Variants in CACNA2D3 observed in about 807,000 individuals in gnomAD.
CACNA2D3 encodes the protein voltage-dependent calcium channel subunit alpha-2/delta-3.
CACNA2D3 carries 60 observed loss-of-function variants against 160.6 expected under a neutral mutation model. The ratio of observed to expected loss-of-function variants is 0.37; its 90% confidence interval spans 0.30 to 0.46. The LOEUF is 0.46. Among genes scored for constraint, CACNA2D3 ranks in the 20% least tolerant of loss-of-function variants. CACNA2D3 has a pLI of 1.00. For missense variants in CACNA2D3, 1,205 were observed against 1,365.0 expected (o/e 0.88, Z 1.85); for synonymous variants, 558 against 492.9 (o/e 1.13, Z -1.75).
At chr3:54,637,496 A>G (rs1386901665) in intron 10 of CACNA2D3, among the ~76,000 whole-genome samples, 1 of 151,954 alleles carries the variant, frequency 6.6e-6, no homozygotes, top group African/African-American at 2.4e-5. Flanking sequence ...GATAACTAAA[A>G]AGGAGTGCTT....
intron 2 of CACNA2D3, among the ~76,000 whole-genome samples, chr3:54,284,045 C>T (rs1702949659): frequency 6.6e-6 from 1 of 152,082 alleles, no homozygotes; most frequent in South Asian, 2.1e-4. Flanking sequence ...CTGGGCGACA[C>T]AGTGAGACTC....
chr3:54,975,521 CAAAAAAAA>C (rs55819960), intron 29 of CACNA2D3, among the ~76,000 whole-genome samples: 2 of 77,776 alleles, frequency 2.6e-5, no homozygotes, highest in African/African-American at 4.5e-5. Context: ...ACTTGGTCTC[CAAAAAAAA>C]AAAAAAAAAA....
At chr3:54,909,397 C>G (rs992556553) in intron 27 of CACNA2D3, among the ~76,000 whole-genome samples, 1 of 151,644 alleles carries the variant, frequency 6.6e-6, no homozygotes, top group Non-Finnish European at 1.5e-5. Context: ...TCCTAGTGAC[C>G]TTGTTGGGAT....
intron 4 of CACNA2D3, among the ~76,000 whole-genome samples, chr3:54,394,023 T>G (rs2106681204): frequency 6.6e-6 from 1 of 152,298 alleles, no homozygotes; most frequent in African/African-American, 2.4e-5. Context: ...TCTCACCATC[T>G]GGGGGTCCAG....
intron 27 of CACNA2D3, among the ~76,000 whole-genome samples, chr3:54,933,057 CT>C (rs1162782087): frequency 6.8e-4 from 5 of 7,374 alleles, no homozygotes; most frequent in Non-Finnish European, 1.1e-3. Context: ...CCCTCCCTTC[CT>C]TCCTTCCTTC....
At chr3:54,779,530 C>T (rs1702492528) in intron 13 of CACNA2D3, among the ~76,000 whole-genome samples, 1 of 152,148 alleles carries the variant, frequency 6.6e-6, no homozygotes, top group Admixed American at 6.5e-5. Flanking sequence ...TCTGTATTTC[C>T]CCCAAGTTCT....
chr3:54,574,147 C>T (rs922569600), intron 8 of CACNA2D3, among the ~76,000 whole-genome samples: 4 of 152,060 alleles, frequency 2.6e-5, no homozygotes, highest in African/African-American at 9.7e-5. Flanking sequence ...CCTTTGCTTG[C>T]CGGGTAGATG....
chr3:54,554,850 T>C (rs1702216068), intron 5 of CACNA2D3, among the ~76,000 whole-genome samples: 1 of 149,288 alleles, frequency 6.7e-6, no homozygotes, highest in African/African-American at 2.5e-5. Context: ...ATTTATTTCT[T>C]TTCTTTTCTC....
intron 2 of CACNA2D3, among the ~76,000 whole-genome samples, chr3:54,276,499 C>T (rs1019237586): frequency 2.7e-5 from 4 of 148,860 alleles, no homozygotes; most frequent in South Asian, 2.1e-4. Context: ...CTTGAACTTG[C>T]GAGGTGGAGG....
At chr3:54,856,166 T>A (rs1187731650) in intron 17 of CACNA2D3, among the ~76,000 whole-genome samples, 1 of 152,074 alleles carries the variant, frequency 6.6e-6, no homozygotes, top group African/African-American at 2.4e-5. Flanking sequence ...GAATGACAAA[T>A]AAATGACGAG....
chr3:54,416,444 C>T (rs1373110553), intron 4 of CACNA2D3, among the ~76,000 whole-genome samples: 1 of 152,074 alleles, frequency 6.6e-6, no homozygotes, highest in East Asian at 1.9e-4. Context: ...AGCATGTCCA[C>T]AAATGTTTGT....
At chr3:54,792,356 T>G (rs960670252) in intron 13 of CACNA2D3, among the ~76,000 whole-genome samples, 1 of 152,198 alleles carries the variant, frequency 6.6e-6, no homozygotes, top group African/African-American at 2.4e-5. Context: ...CATGAACCAC[T>G]GGAATAGATA....
At position 54,482,714 on chromosome 3, in the gene CACNA2D3, C is replaced by G. The variant is rs1014261259; in HGVS notation, c.382-20778C>G. ...TTATTTCTTGCTCATGTAAATGCCA[C>G]TGGGTCTCGGAGCTCTCCAGGCAGT... On this transcript the variant is annotated intron_variant, in intron 4 of 37. Coordinates refer to ENST00000474759, the MANE Select transcript of CACNA2D3 (RefSeq NM_018398.3). Among the ~76,000 whole-genome samples, 7 of 152,318 alleles carry G rather than the reference C, an allele frequency of 4.6e-5. No homozygotes were observed. The South Asian group carries it at 6.2e-4, about 14-fold the overall frequency.
chr3:54,245,308 G>GGTGT (rs58946501), intron 2 of CACNA2D3, among the ~76,000 whole-genome samples: 19 of 149,210 alleles, frequency 1.3e-4, no homozygotes, highest in South Asian at 8.6e-4. Context: ...CATGTGTATG[G>GGTGT]GTGTGTGTGT....
chr3:54,297,939 A>G (rs904394565), intron 2 of CACNA2D3, among the ~76,000 whole-genome samples: 15 of 152,202 alleles, frequency 9.9e-5, no homozygotes, highest in Non-Finnish European at 7.3e-5. Context: ...GTTGTTAGAA[A>G]TGCCAAATCC....
intron 13 of CACNA2D3, among the ~76,000 whole-genome samples, chr3:54,782,463 A>G (rs1702554620): frequency 6.6e-6 from 1 of 152,142 alleles, no homozygotes; most frequent in Admixed American, 6.5e-5. Flanking sequence ...GGATAACATT[A>G]TTACTTATTG....
chr3:54,709,948 C>T (rs1359176567), intron 11 of CACNA2D3, among the ~76,000 whole-genome samples: 3 of 152,130 alleles, frequency 2.0e-5, no homozygotes, highest in Non-Finnish European at 4.4e-5. Flanking sequence ...AAATCAGTCG[C>T]CTACCACCTG....
chr3:55,042,543 A>C (rs955340874), intron 35 of CACNA2D3, among the ~76,000 whole-genome samples: 13 of 152,028 alleles, frequency 8.6e-5, no homozygotes, highest in Non-Finnish European at 1.9e-4. Flanking sequence ...CTTTGTATTT[A>C]AGTTCTCCTC....
At chr3:54,550,939 G>C (rs1702146588) in intron 5 of CACNA2D3, among the ~76,000 whole-genome samples, 1 of 152,136 alleles carries the variant, frequency 6.6e-6, no homozygotes, top group Non-Finnish European at 1.5e-5. Context: ...CCCTTGTACA[G>C]GTGCCCTCAT....
Sources: allele counts gnomAD v4.1 joint callset (sites outside exome capture counted in the v4.1 genomes callset), GRCh38; gene constraint gnomAD v4.1.1; transcripts MANE v1.5; gene names NCBI Gene and HGNC (gene_info 2026-07-23, HGNC 2026-07-21).